The following CXCL12 variants were observed in gnomAD, a reference collection of about 807,000 sequenced individuals.
CXCL12 encodes stromal cell-derived factor 1.
A neutral mutation model predicts 10.7 loss-of-function variants in CXCL12; 4 were observed. The observed-to-expected ratio is 0.37, with a 90% CI of 0.18 to 0.86. The LOEUF (loss-of-function observed/expected upper bound fraction) is 0.86. Among genes scored for constraint, CXCL12 ranks in the 40% least tolerant of loss-of-function variants. The probability of loss-of-function intolerance (pLI) is 0.43; values close to 1 mark genes in which losing one functional copy is unlikely to be tolerated. For synonymous variants in CXCL12, 54 were observed against 45.4 expected (o/e 1.19, Z -0.77); for missense variants, 122 against 110.4 (o/e 1.10, Z -0.47).
rs896705803 is a variant in CXCL12 at position 44,378,456 on chromosome 10, C to T, written c.*177G>A. 1.9e-6 allele frequency: 3 copies of T among 1,539,396 alleles called. No individual in the cohort carries two copies. Among genetic ancestry groups the T allele is most frequent in the Non-Finnish European group, 2.6e-6 (3 of 1,144,744 alleles). The stretch of plus-strand genomic sequence containing the variant: ...AATATCATACCGTATGCTATAAATG[C>T]AGGGTCTAAATGCTGGCAAACCTCA... On this transcript the variant is annotated 3_prime_UTR_variant, in exon 3 of 3. Coordinates refer to ENST00000343575, the MANE Select transcript of CXCL12 (RefSeq NM_199168.4).
chr10:44,378,980 G>A (rs1839547957), intron 2 of CXCL12, among the ~76,000 whole-genome samples: 1 of 152,174 alleles, frequency 6.6e-6, no homozygotes, highest in Non-Finnish European at 1.5e-5. Flanking sequence ...ATGTAAGGGA[G>A]CATTTGAGCT....
chr10:44,384,128 T>A (rs905598523), intron 1 of CXCL12, among the ~76,000 whole-genome samples: 15 of 152,240 alleles, frequency 9.9e-5, no homozygotes, highest in African/African-American at 3.6e-4. Context: ...CAGCTCTCAT[T>A]CTGGGGCAAA....
At chr10:44,373,380 G>C (rs372649159), downstream of CXCL12, 251 of 1,574,866 alleles carry the variant, frequency 1.6e-4, no homozygotes, top group Non-Finnish European at 1.9e-4. Flanking sequence ...CATTAAGGCA[G>C]GTTCCCCCCA....
At chr10:44,371,353 G>A (rs1235043664), downstream of CXCL12, 1 of 484,828 alleles carries the variant, frequency 2.1e-6, no homozygotes. Flanking sequence ...ATTGGGGGCA[G>A]GTACATCCAA....
rs542375355 is a variant in CXCL12 at position 44,377,381 on chromosome 10, T to C, written c.*1252A>G. On this transcript the variant is annotated 3_prime_UTR_variant, in exon 3 of 3. Coordinates refer to ENST00000343575, the MANE Select transcript of CXCL12 (RefSeq NM_199168.4). ...ATAAATATATTTTGAAATACATTTG[T>C]TTTCTAAAGAAACGTAAAAAAAAAT... The C allele has an allele frequency of 9.3e-7, 1 of 1,079,752 alleles. No individual in the cohort carries two copies. Among genetic ancestry groups the C allele is most frequent in the South Asian group, 2.7e-5 (1 of 36,634 alleles). The allele number at this position is 1,079,752 out of a possible 1,614,324, so 66.9% of individuals were successfully genotyped here.
At chr10:44,373,176 C>T (rs570957453), downstream of CXCL12, 18 of 1,538,924 alleles carry the variant, frequency 1.2e-5, no homozygotes, top group Non-Finnish European at 1.6e-5. Flanking sequence ...GCTACATAAT[C>T]AAATGGTGAA....
chr10:44,374,961 G>A (rs926339775), downstream of CXCL12, among the ~76,000 whole-genome samples: 14 of 152,332 alleles, frequency 9.2e-5, no homozygotes, highest in African/African-American at 3.4e-4. Flanking sequence ...GGCAGGGAAG[G>A]AGGGTGCAGG....
At chr10:44,379,307 C>A (rs967575639) in intron 2 of CXCL12, among the ~76,000 whole-genome samples, 3 of 152,080 alleles carry the variant, frequency 2.0e-5, no homozygotes, top group African/African-American at 7.2e-5. Context: ...GGTGGCTTAC[C>A]AGAAAATAGT....
At chr10:44,375,822 C>A (rs1214207811), downstream of CXCL12, 26 of 1,535,784 alleles carry the variant, frequency 1.7e-5, 1 homozygote, top group Admixed American at 5.8e-4. Flanking sequence ...ACTGCTCCCC[C>A]ACGGAAGTCT....
downstream of CXCL12, chr10:44,375,903 C>G (rs775431194): frequency 6.2e-7 from 1 of 1,608,898 alleles, no homozygotes; most frequent in Non-Finnish European, 8.5e-7. Context: ...GCGCCGAGAG[C>G]AAGTGAACTG....
Position 44,385,021 on chromosome 10 carries a change from GC to G in CXCL12, c.-17del. On this transcript the variant is annotated 5_prime_UTR_variant, in exon 1 of 3. Coordinates refer to ENST00000343575, the MANE Select transcript of CXCL12 (RefSeq NM_199168.4). ...TGGCGTTCATGGCGCGGGCGGGCGG[GC>G]GGGCGGGCGGACGAGCGCGGGTCGG... 1.4e-6 allele frequency: 2 copies of G among 1,449,000 alleles called. No individual in the cohort carries two copies. The highest frequency in any genetic ancestry group is 1.8e-6 in the Non-Finnish European group (2 of 1,095,422). 89.8% of individuals were successfully genotyped at this position (1,449,000 alleles called of 1,614,324 possible).
downstream of CXCL12, chr10:44,374,567 C>T (rs266088): frequency 0.14 from 63,343 of 455,868 alleles, 4,578 homozygotes; most frequent in South Asian, 0.17. Context: ...GAGATAGCAG[C>T]GGGAAACAAA....
At chr10:44,374,575 A>G (rs144783764), downstream of CXCL12, 1 of 456,060 alleles carries the variant, frequency 2.2e-6, no homozygotes, top group Non-Finnish European at 4.4e-6. Flanking sequence ...AGCGGGAAAC[A>G]AAGGTCTTTG....
chr10:44,382,809 C>A (rs1045159928), intron 1 of CXCL12, among the ~76,000 whole-genome samples: 5 of 152,186 alleles, frequency 3.3e-5, no homozygotes, highest in African/African-American at 1.2e-4. Flanking sequence ...GTGACAGAGC[C>A]CCCAGGTGTG....
chr10:44,373,250 G>C (rs1262898218), downstream of CXCL12: 5 of 1,570,358 alleles, frequency 3.2e-6, no homozygotes, highest in Non-Finnish European at 4.3e-6. Flanking sequence ...TGGCAGGGGA[G>C]GCTGTGGCAG....
At chr10:44,373,031 C>T (rs1839352849), downstream of CXCL12, 4 of 1,536,032 alleles carry the variant, frequency 2.6e-6, no homozygotes, top group Non-Finnish European at 3.5e-6. Flanking sequence ...ACCCAGGAGC[C>T]CTGAGTCAGA....
In CXCL12 at chr10:44,377,636, T is replaced by A. The variant is rs530325779; in HGVS notation, c.*997A>T. 1 of 1,540,482 alleles carries A rather than the reference T, an allele frequency of 6.5e-7. No homozygotes were observed. The highest frequency in any genetic ancestry group is 1.4e-5 in the African/African-American group (1 of 73,234). On this transcript the variant is annotated 3_prime_UTR_variant, in exon 3 of 3. Coordinates refer to ENST00000343575, the MANE Select transcript of CXCL12 (RefSeq NM_199168.4). ...AGAGTTTGTTAGTGCCTCCATGGCA[T>A]ACATAGGCTTCAGAGGCAATCACAA...
downstream of CXCL12, chr10:44,376,929 AG>A: frequency 1.6e-5 from 3 of 182,308 alleles, no homozygotes; most frequent in Non-Finnish European, 3.1e-5. Flanking sequence ...AAAAAAAAAA[AG>A]ATCCAAAAAC....
chr10:44,371,946 G>C (rs1839325334), downstream of CXCL12: 1 of 152,254 alleles, frequency 6.6e-6, no homozygotes, highest in Non-Finnish European at 1.5e-5. Flanking sequence ...CACTCCAAAT[G>C]TCAGGCAGGT....
Sources: allele counts gnomAD v4.1 joint callset (sites outside exome capture counted in the v4.1 genomes callset), GRCh38; gene constraint gnomAD v4.1.1; transcripts MANE v1.5; gene names NCBI Gene and HGNC (gene_info 2026-07-23, HGNC 2026-07-21).